Variants in CNTNAP2 observed in about 807,000 individuals in gnomAD.
CNTNAP2 encodes the protein contactin-associated protein-like 2.
In CNTNAP2, 98 loss-of-function variants were observed where a neutral mutation model predicts 155.2. That is an observed-to-expected ratio of 0.63 (90% confidence interval 0.54 to 0.75). The LOEUF (loss-of-function observed/expected upper bound fraction) is 0.75. Ranked by LOEUF, CNTNAP2 falls within the 30% of genes least tolerant of loss-of-function variation. The pLI is 0.00. For missense variants in CNTNAP2, 1,727 were observed against 1,688.1 expected, an observed-to-expected ratio of 1.02 and a Z score of -0.40; for synonymous variants, 651 against 631.2, an observed-to-expected ratio of 1.03 and a Z score of -0.47.
At chr7:147,959,874 A>C (rs1801086054) in intron 14 of CNTNAP2, among the ~76,000 whole-genome samples, 1 of 152,128 alleles carries the variant, frequency 6.6e-6, no homozygotes, top group Non-Finnish European at 1.5e-5. Context: ...CTCAACTTCA[A>C]GTGAAGAAAG....
At chr7:147,274,233 G>A (rs143209794) in intron 8 of CNTNAP2, among the ~76,000 whole-genome samples, 5 of 152,004 alleles carry the variant, frequency 3.3e-5, no homozygotes, top group Admixed American at 3.3e-4. Context: ...TCTCCGTATT[G>A]TTTTCCATAG....
intron 21 of CNTNAP2, among the ~76,000 whole-genome samples, chr7:148,367,992 T>A (rs1386150025): frequency 6.6e-6 from 1 of 152,024 alleles, no homozygotes; most frequent in Non-Finnish European, 1.5e-5. Flanking sequence ...GAGCTGAAAA[T>A]TAAGATCCCC....
At chr7:146,659,564 G>T (rs1159912002) in intron 1 of CNTNAP2, among the ~76,000 whole-genome samples, 2 of 152,006 alleles carry the variant, frequency 1.3e-5, no homozygotes, top group Non-Finnish European at 2.9e-5. Flanking sequence ...TGGTTTAGTT[G>T]GCAGCTAATG....
intron 3 of CNTNAP2, among the ~76,000 whole-genome samples, chr7:146,971,065 G>T (rs1177463978): frequency 2.0e-5 from 3 of 152,202 alleles, no homozygotes; most frequent in Admixed American, 6.5e-5. Context: ...CTGTTGTGGG[G>T]TTGGAGGGGG....
At chr7:146,435,801 A>G (rs1294316429) in intron 1 of CNTNAP2, among the ~76,000 whole-genome samples, 1 of 152,208 alleles carries the variant, frequency 6.6e-6, no homozygotes, top group Non-Finnish European at 1.5e-5. Context: ...ACAACAAGAT[A>G]TGATCATGCT....
chr7:146,838,934 CTT>C (rs1440640688), intron 2 of CNTNAP2, among the ~76,000 whole-genome samples: 1 of 152,090 alleles, frequency 6.6e-6, no homozygotes, highest in Admixed American at 6.5e-5. Flanking sequence ...TTTTCTGTAA[CTT>C]ATTTTGTGTA....
intron 13 of CNTNAP2, among the ~76,000 whole-genome samples, chr7:147,685,241 C>T (rs1027760542): frequency 2.0e-5 from 3 of 151,874 alleles, no homozygotes; most frequent in African/African-American, 7.2e-5. Context: ...TTTTCTTTTC[C>T]CACCTGCATA....
Position 146,838,168 on chromosome 7 carries a change from G to A in CNTNAP2, c.209-1543G>A, listed in dbSNP as rs151174458. On this transcript the variant is annotated intron_variant, in intron 2 of 23. Coordinates refer to ENST00000361727, the MANE Select transcript of CNTNAP2 (RefSeq NM_014141.6). Reference sequence around the variant, plus strand: ...TACTGCACTGCTGAACTCTGTTTGGGATCATCTTCCATATGCCATGATCCA... The same window carrying A: ...TACTGCACTGCTGAACTCTGTTTGGAATCATCTTCCATATGCCATGATCCA... Among the ~76,000 whole-genome samples, 256 of 152,174 alleles carry A rather than the reference G, an allele frequency of 1.7e-3. 1 individual carries two copies. The highest frequency in any genetic ancestry group is 5.7e-3 in the African/African-American group (236 of 41,512).
chr7:146,289,981 A>G (rs1800403375), intron 1 of CNTNAP2, among the ~76,000 whole-genome samples: 1 of 152,228 alleles, frequency 6.6e-6, no homozygotes, highest in African/African-American at 2.4e-5. Flanking sequence ...CTTATAAATC[A>G]TATAGCTTGG....
intron 1 of CNTNAP2, among the ~76,000 whole-genome samples, chr7:146,478,467 C>T (rs1412493784): frequency 1.3e-5 from 2 of 151,974 alleles, no homozygotes; most frequent in Non-Finnish European, 1.5e-5. Flanking sequence ...TTGATTTGGT[C>T]TCACATCAGT....
intron 1 of CNTNAP2, among the ~76,000 whole-genome samples, chr7:146,278,602 T>A (rs1345732931): frequency 6.6e-6 from 1 of 152,204 alleles, no homozygotes; most frequent in Non-Finnish European, 1.5e-5. Context: ...AGCTTCTTAG[T>A]ATAAAAAGGT....
intron 8 of CNTNAP2, among the ~76,000 whole-genome samples, chr7:147,211,606 C>T (rs564041314): frequency 6.6e-6 from 1 of 151,680 alleles, no homozygotes; most frequent in Non-Finnish European, 1.5e-5. Flanking sequence ...ATAGACTAAC[C>T]GTATGAGAAA....
chr7:147,397,365 T>A (rs1796836291), intron 10 of CNTNAP2, among the ~76,000 whole-genome samples: 1 of 152,082 alleles, frequency 6.6e-6, no homozygotes, highest in South Asian at 2.1e-4. Flanking sequence ...GATAATTATC[T>A]ACATATTGTT....
chr7:148,338,807 GGAGT>G (rs1425080813), intron 21 of CNTNAP2, among the ~76,000 whole-genome samples: 5 of 152,262 alleles, frequency 3.3e-5, no homozygotes, highest in East Asian at 1.9e-4. Flanking sequence ...AGCAGAGGAG[GGAGT>G]GAGAGAAGAA....
intron 1 of CNTNAP2, among the ~76,000 whole-genome samples, chr7:146,483,104 G>A (rs1796989673): frequency 1.3e-5 from 2 of 150,156 alleles, no homozygotes; most frequent in Admixed American, 6.6e-5. Flanking sequence ...GTGAAACCCC[G>A]TCTCTACTAA....
intron 13 of CNTNAP2, among the ~76,000 whole-genome samples, chr7:147,886,196 G>GGC (rs1426740762): frequency 2.6e-5 from 4 of 152,144 alleles, no homozygotes; most frequent in African/African-American, 9.7e-5. Context: ...GTTCTGGCTG[G>GGC]GCGCAGTGGC....
intron 20 of CNTNAP2, among the ~76,000 whole-genome samples, chr7:148,254,007 T>C (rs568092774): frequency 1.3e-5 from 2 of 152,074 alleles, no homozygotes; most frequent in Non-Finnish European, 2.9e-5. Flanking sequence ...CCGCATTTGG[T>C]TGAAAAAAAA....
At chr7:147,841,471 C>A (rs1435755205) in intron 13 of CNTNAP2, among the ~76,000 whole-genome samples, 4 of 152,108 alleles carry the variant, frequency 2.6e-5, no homozygotes, top group Admixed American at 2.0e-4. Context: ...AGAGACTCCC[C>A]AGCTACAGGT....
At chr7:146,301,794 G>A (rs1473352561) in intron 1 of CNTNAP2, among the ~76,000 whole-genome samples, 3 of 152,134 alleles carry the variant, frequency 2.0e-5, no homozygotes, top group Non-Finnish European at 4.4e-5. Context: ...CATAAACACG[G>A]GAGGGACAGC....
Sources: gnomAD v4.1 joint callset for allele counts (sites outside exome capture counted in the v4.1 genomes callset) on GRCh38, gnomAD v4.1.1 for gene constraint, MANE v1.5 for transcripts, NCBI Gene and HGNC (gene_info 2026-07-23, HGNC 2026-07-21) for gene names.